The following CWC27 variants were observed in gnomAD, a reference collection of about 807,000 sequenced individuals.
CWC27 encodes the protein spliceosome-associated protein CWC27 homolog.
CWC27 carries 47 observed loss-of-function variants against 63.6 expected under a neutral mutation model. That is an observed-to-expected ratio of 0.74 (90% confidence interval 0.58 to 0.94). The LOEUF is 0.94. CWC27 is among the 40% of genes least tolerant of loss of function. The pLI is 0.00. For synonymous variants in CWC27, 175 were observed against 179.8 expected (o/e 0.97, Z 0.22); for missense variants, 495 against 554.3 (o/e 0.89, Z 1.07).
rs544014421 is a variant in CWC27, at chr5:64,899,565, A to G, written c.1042+14019A>G. 5.3e-5 allele frequency among the ~76,000 whole-genome samples: 8 copies of G among 152,374 alleles called. No homozygotes were observed. In the South Asian group the frequency reaches 8.3e-4, roughly 16 times the overall value. On this transcript the variant is annotated intron_variant, in intron 11 of 13. Transcript: ENST00000381070. ...ATTTAAATAATGGGCAAAGTTTCAG[A>G]TAAGAGCTATGAACATATTATGAAA...
intron 11 of CWC27, among the ~76,000 whole-genome samples, chr5:64,933,809 C>G (rs2112405374): frequency 6.6e-6 from 1 of 152,252 alleles, no homozygotes; most frequent in South Asian, 2.1e-4. Flanking sequence ...ACATTTTTCT[C>G]TTGAACTATT....
At chr5:64,961,949 C>T (rs1748919136) in intron 11 of CWC27, among the ~76,000 whole-genome samples, 1 of 152,096 alleles carries the variant, frequency 6.6e-6, no homozygotes, top group Non-Finnish European at 1.5e-5. Flanking sequence ...ATAGAAATTT[C>T]AGGTAATGAT....
At chr5:64,821,888 G>A (rs1745205912) in intron 10 of CWC27, among the ~76,000 whole-genome samples, 1 of 152,196 alleles carries the variant, frequency 6.6e-6, no homozygotes, top group African/African-American at 2.4e-5. Context: ...GGTGTACCAA[G>A]GATATAGAAA....
chr5:64,843,957 A>G (rs1475475889), intron 10 of CWC27, among the ~76,000 whole-genome samples: 1 of 152,044 alleles, frequency 6.6e-6, no homozygotes, highest in Non-Finnish European at 1.5e-5. Flanking sequence ...CACAAAGTTC[A>G]GCTAGACTAG....
At chr5:64,835,302 A>G (rs1458471550) in intron 10 of CWC27, among the ~76,000 whole-genome samples, 1 of 151,802 alleles carries the variant, frequency 6.6e-6, no homozygotes, top group African/African-American at 2.4e-5. Flanking sequence ...ATTTCTGTGT[A>G]AAGTAAAAGT....
At chr5:64,846,069 A>T (rs1745969125) in intron 10 of CWC27, among the ~76,000 whole-genome samples, 1 of 152,248 alleles carries the variant, frequency 6.6e-6, no homozygotes, top group African/African-American at 2.4e-5. Flanking sequence ...AGAGAGTGGC[A>T]TAATATAATT....
At chr5:64,860,744 C>T (rs977674836) in intron 10 of CWC27, among the ~76,000 whole-genome samples, 1 of 152,110 alleles carries the variant, frequency 6.6e-6, no homozygotes, top group African/African-American at 2.4e-5. Context: ...ACTTTAAGTA[C>T]TTTGGTCCAA....
chr5:64,985,302 C>CA (rs1323314797), intron 13 of CWC27, among the ~76,000 whole-genome samples: 4 of 152,060 alleles, frequency 2.6e-5, no homozygotes, highest in South Asian at 2.1e-4. Flanking sequence ...TCTATTTCTA[C>CA]AAAAAAATTC....
At chr5:64,886,646 A>T (rs1228661968) in intron 11 of CWC27, among the ~76,000 whole-genome samples, 1 of 152,132 alleles carries the variant, frequency 6.6e-6, no homozygotes, top group Non-Finnish European at 1.5e-5. Context: ...ATAACTATTT[A>T]AAGGGCGTAG....
At chr5:64,893,244 A>C (rs900918934) in intron 11 of CWC27, among the ~76,000 whole-genome samples, 2 of 152,228 alleles carry the variant, frequency 1.3e-5, no homozygotes, top group Non-Finnish European at 2.9e-5. Context: ...TATTTTAAGT[A>C]AGATGTTTTC....
At chr5:64,988,680 T>G (rs984525198) in intron 13 of CWC27, among the ~76,000 whole-genome samples, 3 of 151,626 alleles carry the variant, frequency 2.0e-5, no homozygotes, top group African/African-American at 7.3e-5. Flanking sequence ...CTTGGCTCAC[T>G]GCAACCCCCA....
rs1312570493 is a variant in CWC27, at chr5:64,769,117, T to A, written c.-30T>A. 1.2e-6 allele frequency: 2 copies of A among 1,610,984 alleles called. No homozygotes were observed. Among genetic ancestry groups the A allele is most frequent in the South Asian group, 2.2e-5 (2 of 90,984 alleles). On this transcript the variant is annotated 5_prime_UTR_variant, in exon 1 of 14. Coordinates refer to ENST00000381070, the MANE Select transcript of CWC27 (RefSeq NM_005869.4). Reference sequence around the variant, plus strand: ...GCCGGCCGGCCGCTCTCATCCCCCGTAAGGAGCAGAGTCCTTTGTACTGAC... The same window carrying A: ...GCCGGCCGGCCGCTCTCATCCCCCGAAAGGAGCAGAGTCCTTTGTACTGAC...
intron 7 of CWC27, 25 bp from the exon 8 acceptor site, chr5:64,800,223 T>C: frequency 2.6e-6 from 4 of 1,512,050 alleles, no homozygotes; most frequent in Non-Finnish European, 2.7e-6. Context: ...TCCCCCCTCA[T>C]GATTATATTG....
intron 7 of CWC27, among the ~76,000 whole-genome samples, chr5:64,794,472 T>G (rs6871996): frequency 1.6e-4 from 25 of 152,218 alleles, no homozygotes; most frequent in African/African-American, 6.0e-4. Context: ...ATAAGATCTC[T>G]GGAATAAGGA....
chr5:64,807,696 A>T, intron 10 of CWC27: 1 of 1,535,986 alleles, frequency 6.5e-7, no homozygotes, highest in Non-Finnish European at 8.7e-7. Context: ...TCTAGATTCC[A>T]GCCTCAGCTG....
chr5:64,894,152 A>G (rs1009717185), intron 11 of CWC27, among the ~76,000 whole-genome samples: 10 of 151,838 alleles, frequency 6.6e-5, no homozygotes, highest in Non-Finnish European at 7.4e-5. Flanking sequence ...CTGGTCTCGA[A>G]CTCCAGACCT....
rs573506328 is a variant in CWC27, at chr5:64,953,703, C to T, written c.1043-18000C>T. 2.0e-5 allele frequency among the ~76,000 whole-genome samples: 3 copies of T among 152,072 alleles called. No homozygotes were observed. The South Asian group carries it at 6.2e-4, about 32-fold the overall frequency. On this transcript the variant is annotated intron_variant, in intron 11 of 13. Coordinates refer to ENST00000381070, the MANE Select transcript of CWC27 (RefSeq NM_005869.4). Reference sequence around the variant, plus strand: ...CACTTTTTAAGTGTTTATTTTTTTTCTTTCCCCCAGCAAATGTGTTTTTGT... The same window carrying T: ...CACTTTTTAAGTGTTTATTTTTTTTTTTTCCCCCAGCAAATGTGTTTTTGT...
intron 13 of CWC27, among the ~76,000 whole-genome samples, chr5:65,014,902 A>T (rs1750024401): frequency 1.3e-5 from 2 of 152,354 alleles, no homozygotes; most frequent in South Asian, 4.1e-4. Flanking sequence ...TTGCCAAGTA[A>T]CTAGCCATGC....
At chr5:64,826,424 C>T (rs1211365251) in intron 10 of CWC27, among the ~76,000 whole-genome samples, 4 of 152,114 alleles carry the variant, frequency 2.6e-5, no homozygotes, top group Admixed American at 1.3e-4. Context: ...TATAGTGAAT[C>T]TTGGTGTATG....
Sources: allele counts gnomAD v4.1 joint callset (sites outside exome capture counted in the v4.1 genomes callset), GRCh38; gene constraint gnomAD v4.1.1; transcripts MANE v1.5; gene names NCBI Gene and HGNC (gene_info 2026-07-23, HGNC 2026-07-21).